Variants in SLC23A2 observed in about 807,000 individuals in gnomAD.
SLC23A2 encodes solute carrier family 23 member 2.
In SLC23A2, 36 loss-of-function variants were observed where a neutral mutation model predicts 73.3. The observed-to-expected ratio is 0.49, with a 90% CI of 0.38 to 0.65. The LOEUF is 0.65. SLC23A2 is among the 30% of genes least tolerant of loss of function. SLC23A2 has a pLI of 0.00. For synonymous variants in SLC23A2, 343 were observed against 327.3 expected, an observed-to-expected ratio of 1.05 and a Z score of -0.52; for missense variants, 507 against 841.6, an observed-to-expected ratio of 0.60 and a Z score of 4.92.
At chr20:4,892,292 T>C (rs764214672) in intron 6 of SLC23A2, among the ~76,000 whole-genome samples, 3 of 151,480 alleles carry the variant, frequency 2.0e-5, no homozygotes, top group African/African-American at 4.9e-5. Context: ...GTTCAAGGGA[T>C]TGTCCTTGCC....
chr20:4,991,779 A>C (rs1456076623), intron 1 of SLC23A2, among the ~76,000 whole-genome samples: 1 of 151,082 alleles, frequency 6.6e-6, no homozygotes, highest in Admixed American at 6.6e-5. Context: ...TAATCTATAG[A>C]CCACATATTA....
rs1443785187 is a variant in SLC23A2, at chr20:4,852,490, G to A, written c.*4482C>T. On this transcript the variant is annotated 3_prime_UTR_variant, in exon 17 of 17. Coordinates refer to ENST00000338244, the MANE Select transcript of SLC23A2 (RefSeq NM_005116.6). This position sits in a 1 kb window ranked among gnomAD's most constrained non-coding sequence, Gnocchi z 4.3. ...TTAAAATACTTAAACGTTTAATGAA[G>A]CCATGTTAGAAAAACAATATGAAAA... is the stretch of plus-strand genomic sequence containing the variant. 2 of 152,470 alleles carry A rather than the reference G, an allele frequency of 1.3e-5. No homozygotes were observed. The highest frequency in any genetic ancestry group is 6.6e-5 in the Admixed American group (1 of 15,254). The allele number at this position is 152,470 out of a possible 1,614,324, so 9.4% of individuals were successfully genotyped here. A position where few individuals can be genotyped will look rare whatever the true frequency, so the allele number is the denominator to read the frequency against.
chr20:4,852,547 CATCTCAAAAA>C lies in SLC23A2; in HGVS notation c.*4415_*4424del, dbSNP rs1415197866. 1 of 152,402 alleles carries C rather than the reference CATCTCAAAAA, an allele frequency of 6.6e-6. No homozygotes were observed. The highest frequency in any genetic ancestry group is 1.5e-5 in the Non-Finnish European group (1 of 67,988). The allele number at this position is 152,402 out of a possible 1,614,324, so 9.4% of individuals were successfully genotyped here. ...TTAAAAACTCCATAAAAGAATTACA[CATCTCAAAAA>C]ACAACCCCACCCCAAATACCCTCGG... On this transcript the variant is annotated 3_prime_UTR_variant, in exon 17 of 17. Transcript: ENST00000338244. The surrounding 1 kb of genome is among the most constrained non-coding windows in gnomAD (Gnocchi z 4.3).
At chr20:4,978,511 A>T (rs997359452) in intron 1 of SLC23A2, among the ~76,000 whole-genome samples, 2 of 152,190 alleles carry the variant, frequency 1.3e-5, no homozygotes, top group Non-Finnish European at 2.9e-5. Context: ...CACCCTGCTG[A>T]AAGACAGTGC....
chr20:5,004,148 T>C (rs1217537894), upstream of SLC23A2, among the ~76,000 whole-genome samples: 1 of 152,180 alleles, frequency 6.6e-6, no homozygotes, highest in Non-Finnish European at 1.5e-5. Context: ...TGTAGACACA[T>C]TTCCAATTGT....
rs770105163 is a variant in SLC23A2 at position 4,873,917 on chromosome 20, T to C, written c.1102+19A>G. 12 of 1,607,040 alleles carry C rather than the reference T, an allele frequency of 7.5e-6. No individual in the cohort carries two copies. In the African/African-American group the frequency reaches 1.2e-4, roughly 16 times the overall value. On this transcript the variant is annotated intron_variant, in intron 11 of 16. Coordinates refer to ENST00000338244, the MANE Select transcript of SLC23A2 (RefSeq NM_005116.6). ...GGCCCTCGTGGGCTCTTGACCCCTC[T>C]AGCCATCAGAATACTTACATGGGTA... is the stretch of plus-strand genomic sequence containing the variant.
intron 1 of SLC23A2, among the ~76,000 whole-genome samples, chr20:4,972,115 G>A (rs2087569622): frequency 6.6e-6 from 1 of 152,152 alleles, no homozygotes; most frequent in Admixed American, 6.6e-5. Flanking sequence ...GGCTGTCTTG[G>A]GAACAGCCAT....
chr20:4,993,410 G>GAAAAAAAAAAAA (rs3055956), intron 1 of SLC23A2, among the ~76,000 whole-genome samples: 23 of 121,494 alleles, frequency 1.9e-4, no homozygotes, highest in Admixed American at 3.6e-4. Flanking sequence ...GCCAAAATCC[G>GAAAAAAAAAAAA]AAAAAAAAAA....
At chr20:4,951,493 T>G (rs1474509800) in intron 2 of SLC23A2, among the ~76,000 whole-genome samples, 1 of 151,960 alleles carries the variant, frequency 6.6e-6, no homozygotes, top group Non-Finnish European at 1.5e-5. Flanking sequence ...GACTCATCAG[T>G]GCCTCTCAAG....
chr20:4,895,230 A>C (rs1326266962), intron 6 of SLC23A2, among the ~76,000 whole-genome samples: 1 of 152,194 alleles, frequency 6.6e-6, no homozygotes, highest in African/African-American at 2.4e-5. Context: ...GCTTCTCCAA[A>C]GCAAAAACAC....
chr20:4,910,360 G>C (rs1932096887), intron 4 of SLC23A2, among the ~76,000 whole-genome samples: 1 of 147,174 alleles, frequency 6.8e-6, no homozygotes, highest in South Asian at 2.2e-4. Context: ...CTGGGTGACA[G>C]AGTGAGACTC....
At chr20:4,970,713 G>A (rs6139591) in intron 2 of SLC23A2, 80 bp downstream of exon 2, 61,360 of 152,212 alleles carry the variant, frequency 0.4, 12,627 homozygotes, top group Admixed American at 0.48. Context: ...CTCCACCCTG[G>A]GTGATAGAGC....
chr20:5,008,265 C>T (rs2088212345), intron 1 of SLC23A2, among the ~76,000 whole-genome samples: 1 of 152,140 alleles, frequency 6.6e-6, no homozygotes, highest in Non-Finnish European at 1.5e-5. Flanking sequence ...TTAAGTGCCA[C>T]TCCAGCCTGG....
At chr20:4,859,525 T>G in intron 15 of SLC23A2, 141 bp from the exon 16 acceptor site, 1 of 661,822 alleles carries the variant, frequency 1.5e-6, no homozygotes, top group Non-Finnish European at 2.8e-6. Flanking sequence ...GTTGTGCACA[T>G]GTAGATGAAT....
intron 1 of SLC23A2, among the ~76,000 whole-genome samples, chr20:4,989,149 G>C (rs1331330581): frequency 6.6e-6 from 1 of 150,706 alleles, no homozygotes; most frequent in Admixed American, 6.7e-5. Context: ...TGAGGCAGGA[G>C]AATCACTTGA....
chr20:4,988,620 C>T (rs1040405606), intron 1 of SLC23A2, among the ~76,000 whole-genome samples: 7 of 151,858 alleles, frequency 4.6e-5, no homozygotes, highest in South Asian at 4.2e-4. Flanking sequence ...CCTGTAGTCC[C>T]GGCTACTCGG....
intron 2 of SLC23A2, among the ~76,000 whole-genome samples, chr20:4,958,306 C>T (rs1423308614): frequency 6.6e-6 from 1 of 152,192 alleles, no homozygotes; most frequent in Non-Finnish European, 1.5e-5. Context: ...AGTTTCTGCA[C>T]TTCTCTTTTT....
Position 4,887,629 on chromosome 20 carries a change from C to T in SLC23A2, c.483-1720G>A, listed in dbSNP as rs149108416. On this transcript the variant is annotated intron_variant, in intron 6 of 16. Transcript: ENST00000338244. ...TGAGCATTTGGTGGCTTAACTAGGA[C>T]TAAAGGTCCCGAGAGCGCTGCTGTA... is the stretch of plus-strand genomic sequence containing the variant. 5.1e-3 allele frequency among the ~76,000 whole-genome samples: 784 copies of T among 152,320 alleles called. 5 individuals carry two copies. Among genetic ancestry groups the T allele is most frequent in the Middle Eastern group, 0.01 (3 of 294 alleles).
chr20:4,958,903 C>CT (rs2087335064), intron 2 of SLC23A2, among the ~76,000 whole-genome samples: 1 of 151,934 alleles, frequency 6.6e-6, no homozygotes, highest in Admixed American at 6.6e-5. Flanking sequence ...AAGTTTCATT[C>CT]TTTGGATTAA....
Sources: gnomAD v4.1 joint callset for allele counts (sites outside exome capture counted in the v4.1 genomes callset) on GRCh38, gnomAD v4.1.1 for gene constraint, Gnocchi (gnomAD v3.1) non-coding constraint, MANE v1.5 for transcripts, NCBI Gene and HGNC (gene_info 2026-07-23, HGNC 2026-07-21) for gene names.